ARL15: variants seen among roughly 807,000 people sequenced by gnomAD.
The protein encoded by ARL15 is ADP-ribosylation factor-like protein 15.
ARL15 carries 19 observed loss-of-function variants against 25.2 expected under a neutral mutation model. The ratio of observed to expected loss-of-function variants is 0.75; its 90% CI spans 0.53 to 1.10. ARL15 has a LOEUF of 1.10. ARL15 is among the 50% of genes least tolerant of loss of function. ARL15 has a pLI of 0.00. For synonymous variants in ARL15, 94 were observed against 86.8 expected (o/e 1.08, Z -0.46); for missense variants, 220 against 246.0 (o/e 0.89, Z 0.71).
chr5:53,980,956 G>T (rs2111592642), intron 4 of ARL15, among the ~76,000 whole-genome samples: 1 of 152,120 alleles, frequency 6.6e-6, no homozygotes, highest in African/African-American at 2.4e-5. Context: ...ACTCCAGCCT[G>T]GGTGACAGAG....
intron 4 of ARL15, among the ~76,000 whole-genome samples, chr5:53,971,605 G>T (rs1291702302): frequency 2.1e-5 from 2 of 94,084 alleles, no homozygotes; most frequent in African/African-American, 7.8e-5. Flanking sequence ...ACCACATGAA[G>T]TGATTAAAAA....
chr5:54,134,090 T>C (rs917485548), intron 3 of ARL15, among the ~76,000 whole-genome samples: 1 of 152,212 alleles, frequency 6.6e-6, no homozygotes, highest in Non-Finnish European at 1.5e-5. Flanking sequence ...AGCAATGTTA[T>C]GTAACCCTGG....
At chr5:54,198,146 CA>C (rs1755608142) in intron 1 of ARL15, among the ~76,000 whole-genome samples, 1 of 152,124 alleles carries the variant, frequency 6.6e-6, no homozygotes, top group African/African-American at 2.4e-5. Context: ...GGACTTATCT[CA>C]AAATAATATC....
chr5:54,292,286 A>T (rs1237954525), intron 1 of ARL15, among the ~76,000 whole-genome samples: 7 of 151,978 alleles, frequency 4.6e-5, no homozygotes, highest in African/African-American at 1.7e-4. Context: ...GCCCTTCTTT[A>T]TGAATGGGTT....
intron 3 of ARL15, among the ~76,000 whole-genome samples, chr5:54,146,302 T>A (rs1753909256): frequency 6.6e-6 from 1 of 152,044 alleles, no homozygotes; most frequent in Admixed American, 6.5e-5. Flanking sequence ...AGAGGTAGGA[T>A]CTACGATTTG....
chr5:54,281,086 CAT>C (rs1003119989), intron 1 of ARL15, among the ~76,000 whole-genome samples: 1 of 151,842 alleles, frequency 6.6e-6, no homozygotes, highest in African/African-American at 2.4e-5. Flanking sequence ...TAAAGAATAA[CAT>C]AAAAAAACAC....
At chr5:54,220,937 C>G (rs1323542587) in intron 1 of ARL15, among the ~76,000 whole-genome samples, 1 of 151,130 alleles carries the variant, frequency 6.6e-6, no homozygotes, top group South Asian at 2.1e-4. Flanking sequence ...TTTTTTTTCC[C>G]TTTAATTCTG....
At chr5:54,063,290 G>T (rs998288118) in intron 4 of ARL15, among the ~76,000 whole-genome samples, 1 of 152,204 alleles carries the variant, frequency 6.6e-6, no homozygotes, top group Admixed American at 6.5e-5. Flanking sequence ...CCTAGGAAAT[G>T]AGGATTCTGC....
intron 4 of ARL15, among the ~76,000 whole-genome samples, chr5:53,914,149 T>TCA (rs904101107): frequency 0.093 from 14,059 of 150,578 alleles, 816 homozygotes; most frequent in Non-Finnish European, 0.14. Flanking sequence ...ACACACACAC[T>TCA]CTCACACACA....
intron 4 of ARL15, among the ~76,000 whole-genome samples, chr5:54,020,908 T>C (rs1749581960): frequency 1.3e-5 from 2 of 151,468 alleles, no homozygotes; most frequent in South Asian, 4.2e-4. Context: ...TGAGCCGAGA[T>C]AGCACCATTG....
intron 1 of ARL15, among the ~76,000 whole-genome samples, chr5:54,287,380 C>T (rs1022660859): frequency 7.9e-5 from 12 of 151,808 alleles, no homozygotes; most frequent in African/African-American, 2.9e-4. Context: ...AGAGTAGAGG[C>T]ATCAAAGTCA....
chr5:54,258,767 C>T (rs1360269491), intron 1 of ARL15, among the ~76,000 whole-genome samples: 1 of 152,120 alleles, frequency 6.6e-6, no homozygotes, highest in African/African-American at 2.4e-5. Context: ...ATTCAGTGAT[C>T]AAGCCAAAGC....
intron 4 of ARL15, among the ~76,000 whole-genome samples, chr5:53,902,813 T>C (rs867510619): frequency 1.3e-5 from 2 of 152,006 alleles, no homozygotes; most frequent in Middle Eastern, 3.4e-3. Flanking sequence ...GAAGCCACCA[T>C]GGAAACACCA....
chr5:54,085,875 A>C (rs1751948785), intron 4 of ARL15, among the ~76,000 whole-genome samples: 1 of 150,784 alleles, frequency 6.6e-6, no homozygotes, highest in Admixed American at 6.6e-5. Context: ...AAATACCTAT[A>C]TTCTCTCCTA....
chr5:53,964,648 C>G lies in ARL15; in HGVS notation c.463-77935G>C, dbSNP rs567022627. The stretch of plus-strand genomic sequence containing the variant: ...GTGCTGGGATTACAGGCGTGAGCCA[C>G]CGCACCTGGCCTCTATACTGGTTTT... On this transcript the variant is annotated intron_variant, in intron 4 of 4. Transcript: ENST00000504924. 2.0e-4 allele frequency among the ~76,000 whole-genome samples: 30 copies of G among 152,342 alleles called. 2 individuals are homozygous for G. The South Asian group carries it at 6.0e-3, about 30-fold the overall frequency.
chr5:54,211,619 C>T (rs968903882), intron 1 of ARL15, among the ~76,000 whole-genome samples: 21 of 151,568 alleles, frequency 1.4e-4, no homozygotes, highest in African/African-American at 4.4e-4. Flanking sequence ...TACAGGTGCC[C>T]GCCACCATAC....
intron 4 of ARL15, among the ~76,000 whole-genome samples, chr5:54,006,068 A>T: frequency 6.6e-6 from 1 of 151,512 alleles, no homozygotes; most frequent in East Asian, 1.9e-4. Flanking sequence ...AAAAAAAAAA[A>T]AAAAAAAGAA....
At chr5:54,205,094 C>T in intron 1 of ARL15, among the ~76,000 whole-genome samples, 1 of 152,046 alleles carries the variant, frequency 6.6e-6, no homozygotes, top group Admixed American at 6.6e-5. Context: ...AGCCACCACG[C>T]CTGGCCTCCC....
At chr5:53,897,617 C>G (rs1181119658) in intron 4 of ARL15, among the ~76,000 whole-genome samples, 4 of 152,106 alleles carry the variant, frequency 2.6e-5, no homozygotes, top group African/African-American at 9.7e-5. Context: ...TGTGTTAAAT[C>G]TATGTTGTCA....
Sources: allele counts gnomAD v4.1 joint callset (sites outside exome capture counted in the v4.1 genomes callset), GRCh38; gene constraint gnomAD v4.1.1; transcripts MANE v1.5; gene names NCBI Gene and HGNC (gene_info 2026-07-23, HGNC 2026-07-21).